The following FGFR2 variants were observed in gnomAD, a reference collection of about 807,000 sequenced individuals.
The protein encoded by FGFR2 is fibroblast growth factor receptor 2, also known as BEK fibroblast growth factor receptor.
A neutral mutation model predicts 95.9 loss-of-function variants in FGFR2; 19 were observed. The observed-to-expected ratio is 0.20, with a 90% CI of 0.14 to 0.29. The LOEUF is 0.29. Ranked by LOEUF, FGFR2 falls within the 10% of genes least tolerant of loss-of-function variation. The probability of loss-of-function intolerance (pLI) is 1.00; values close to 1 mark genes in which losing one functional copy is unlikely to be tolerated. For synonymous variants in FGFR2, 392 were observed against 393.3 expected, an observed-to-expected ratio of 1.00 and a Z score of 0.04; for missense variants, 707 against 1,056.9, an observed-to-expected ratio of 0.67 and a Z score of 4.59.
chr10:121,512,535 T>C (rs796615543), intron 9 of FGFR2, among the ~76,000 whole-genome samples: 1 of 152,096 alleles, frequency 6.6e-6, no homozygotes, highest in South Asian at 2.1e-4. Flanking sequence ...TTCTTTTTTT[T>C]CCCACTTTGG....
rs2134219688 is a variant in FGFR2, at chr10:121,515,124, T to C, written c.1280A>G (p.Gln427Arg). Reference protein sequence around the residue: ...KLTKRIPLRRQVTVSAESSSS... With the variant: ...KLTKRIPLRRRVTVSAESSSS... ...AACTCTTTATCTACTTTCTGTTACC[T>C]GTCTCCGCAGGGGGATACGTTTGGT... is the stretch of plus-strand genomic sequence containing the variant. Residue 427 changes from glutamine to arginine, a missense_variant, in exon 9 of 18, where the codon CAG becomes CGG. This residue lies in a region of FGFR2 where 194 missense variants were observed against 267.3 expected (regional missense o/e 0.73). Transcript: ENST00000358487. The C allele has an allele frequency of 4.3e-6, 7 of 1,614,108 alleles. No homozygotes were observed. Among genetic ancestry groups the C allele is most frequent in the Non-Finnish European group, 5.9e-6 (7 of 1,179,942 alleles).
At chr10:121,507,859 T>G (rs1848528091) in intron 9 of FGFR2, among the ~76,000 whole-genome samples, 1 of 152,196 alleles carries the variant, frequency 6.6e-6, no homozygotes, top group Non-Finnish European at 1.5e-5. Context: ...CAGTCAGTCC[T>G]CCATATCTGT....
chr10:121,548,244 CCTTTT>C (rs1854824562), intron 5 of FGFR2, among the ~76,000 whole-genome samples: 1 of 36,878 alleles, frequency 2.7e-5, no homozygotes, highest in Non-Finnish European at 6.2e-5. Flanking sequence ...CCGCTTTTGG[CCTTTT>C]TTTTTTTTTT....
chr10:121,567,729 A>T (rs1051866959), intron 2 of FGFR2, among the ~76,000 whole-genome samples: 1 of 152,242 alleles, frequency 6.6e-6, no homozygotes, highest in Non-Finnish European at 1.5e-5. Flanking sequence ...AGCCAGCCGC[A>T]GCTTGTTTTT....
intron 14 of FGFR2, 140 bp from the exon 15 acceptor site, chr10:121,487,564 A>G (rs1845582491): frequency 2.8e-6 from 2 of 725,368 alleles, no homozygotes; most frequent in Non-Finnish European, 4.9e-6. Context: ...ATCAGTCCCA[A>G]TGAGGACCAT....
rs961946202 is a variant in FGFR2, at chr10:121,528,861, T to C, written c.749-8692A>G. ...CAAGTCAGGCCCCAGCCCCAGTCCC[T>C]CCCTATGAACACTCGGTGAGAGTCT... On this transcript the variant is annotated intron_variant, in intron 6 of 17. Coordinates refer to ENST00000358487, the MANE Select transcript of FGFR2 (RefSeq NM_000141.5). Among the ~76,000 whole-genome samples the C allele has an allele frequency of 2.2e-4, 34 of 152,226 alleles. 1 individual carries two copies. Among genetic ancestry groups the C allele is most frequent in the Admixed American group, 1.2e-3 (19 of 15,292 alleles).
chr10:121,479,459 A>G lies in FGFR2; in HGVS notation c.*398T>C. ...ATATATATTTATACATAATTTGAAT[A>G]TATTTACATACATCCAGCACCTATA... On this transcript the variant is annotated 3_prime_UTR_variant, in exon 18 of 18. Coordinates refer to ENST00000358487, the MANE Select transcript of FGFR2 (RefSeq NM_000141.5). The G allele has an allele frequency of 2.1e-6, 1 of 475,418 alleles. No individual in the cohort carries two copies. Among genetic ancestry groups the G allele is most frequent in the Non-Finnish European group, 3.6e-6 (1 of 277,520 alleles). 29.4% of individuals were successfully genotyped at this position (475,418 alleles called of 1,614,324 possible).
chr10:121,583,798 T>G (rs1861338278), intron 2 of FGFR2, among the ~76,000 whole-genome samples: 1 of 151,346 alleles, frequency 6.6e-6, no homozygotes, highest in African/African-American at 2.4e-5. Flanking sequence ...GAAGGGAAAT[T>G]TTTCTTACAC....
intron 4 of FGFR2, among the ~76,000 whole-genome samples, chr10:121,563,665 A>G (rs1443299718): frequency 6.6e-6 from 1 of 152,188 alleles, no homozygotes; most frequent in African/African-American, 2.4e-5. Flanking sequence ...ACAACCCCAG[A>G]AAATAGTATT....
rs41302333 is a variant in FGFR2 at position 121,550,533 on chromosome 10, G to A, written c.624+757C>T. ...TGACGTGCTCTCAAGAATCCTTCAA[G>A]GAGGACAGCAGATTGCCACTGTCAT... On this transcript the variant is annotated intron_variant, in intron 5 of 17. Coordinates refer to ENST00000358487, the MANE Select transcript of FGFR2 (RefSeq NM_000141.5). Among the ~76,000 whole-genome samples, 713 of 152,224 alleles carry A rather than the reference G, an allele frequency of 4.7e-3. 6 individuals are homozygous for A. Among genetic ancestry groups the A allele is most frequent in the African/African-American group, 0.016 (650 of 41,542 alleles).
chr10:121,572,176 A>AAAAAAAT (rs1858900994), intron 2 of FGFR2, among the ~76,000 whole-genome samples: 1 of 145,514 alleles, frequency 6.9e-6, no homozygotes, highest in Non-Finnish European at 1.5e-5. Flanking sequence ...AAAAAAAAAA[A>AAAAAAAT]AGCCGGGAAT....
At position 121,551,003 on chromosome 10, in the gene FGFR2, G is replaced by A. The variant is rs568111953; in HGVS notation, c.624+287C>T. Among the ~76,000 whole-genome samples the A allele has an allele frequency of 7.9e-5, 12 of 152,130 alleles. No homozygotes were observed. The East Asian group carries it at 1.6e-3, about 20-fold the overall frequency. On this transcript the variant is annotated intron_variant, in intron 5 of 17. Coordinates refer to ENST00000358487, the MANE Select transcript of FGFR2 (RefSeq NM_000141.5). ...TGGGAGGCCGAGGCAGGCGGATCAC[G>A]AGGTCAGGAGATCAAGACCATCCTG...
At chr10:121,575,981 AG>A (rs1349848598) in intron 2 of FGFR2, among the ~76,000 whole-genome samples, 2 of 151,986 alleles carry the variant, frequency 1.3e-5, no homozygotes, top group African/African-American at 4.8e-5. Context: ...AGGTCAGGAG[AG>A]TTCAAGACCA....
chr10:121,516,220 CA>C (rs1849691951), intron 8 of FGFR2, among the ~76,000 whole-genome samples: 1 of 152,294 alleles, frequency 6.6e-6, no homozygotes, highest in South Asian at 2.1e-4. Context: ...CACTGTCAGG[CA>C]AACTGGTTAA....
chr10:121,509,256 C>A (rs1468492500), intron 9 of FGFR2, among the ~76,000 whole-genome samples: 2 of 152,042 alleles, frequency 1.3e-5, no homozygotes, highest in Non-Finnish European at 2.9e-5. Context: ...TTTTCCCACT[C>A]CCGAATCTTG....
At chr10:121,592,211 T>C (rs1349580056) in intron 2 of FGFR2, among the ~76,000 whole-genome samples, 2 of 152,154 alleles carry the variant, frequency 1.3e-5, no homozygotes, top group Non-Finnish European at 2.9e-5. Flanking sequence ...TTTTAATTAT[T>C]AGCAAAATTA....
At position 121,515,202 on chromosome 10, in the gene FGFR2, T is replaced by C. The variant is rs2134224853; in HGVS notation, c.1202A>G (p.Lys401Arg). 6.2e-7 allele frequency: 1 copy of C among 1,614,202 alleles called. No individual in the cohort carries two copies. Among genetic ancestry groups the C allele is most frequent in the Non-Finnish European group, 8.5e-7 (1 of 1,180,032 alleles). Reference protein sequence around the residue: ...MVVTVILCRMKNTTKKPDFSS... With the variant: ...MVVTVILCRMRNTTKKPDFSS... Reference sequence around the variant, plus strand: ...GAAGTCTGGCTTCTTGGTCGTGTTCTTCATTCGGCACAGGATGACTGTTAC... The same window carrying C: ...GAAGTCTGGCTTCTTGGTCGTGTTCCTCATTCGGCACAGGATGACTGTTAC... The change falls in exon 9 of 18, where the codon AAG becomes AGG. Residue 401 changes from lysine to arginine, a missense_variant. By Grantham distance (26) the Lys-to-Arg change is conservative. Coordinates refer to ENST00000358487, the MANE Select transcript of FGFR2 (RefSeq NM_000141.5).
At chr10:121,547,496 G>C (rs573747650) in intron 5 of FGFR2, among the ~76,000 whole-genome samples, 1 of 151,130 alleles carries the variant, frequency 6.6e-6, no homozygotes, top group Admixed American at 6.6e-5. Flanking sequence ...CTGGGCTCAA[G>C]CGATCCTCCC....
At chr10:121,579,492 T>C (rs903404061) in intron 2 of FGFR2, among the ~76,000 whole-genome samples, 1 of 152,222 alleles carries the variant, frequency 6.6e-6, no homozygotes, top group Non-Finnish European at 1.5e-5. Context: ...TCCTGGAATG[T>C]TCCCAGAGAC....
Sources: allele counts gnomAD v4.1 joint callset (sites outside exome capture counted in the v4.1 genomes callset), GRCh38; gene constraint gnomAD v4.1.1; regional missense constraint gnomAD v4.1.1; transcripts MANE v1.5; gene names NCBI Gene and HGNC (gene_info 2026-07-23, HGNC 2026-07-21).